The following MAPK14 variants were observed in gnomAD, a reference collection of about 807,000 sequenced individuals.
The protein encoded by MAPK14 is mitogen-activated protein kinase 14.
MAPK14 carries 16 observed loss-of-function variants against 49.6 expected under a neutral mutation model. That is an observed-to-expected ratio of 0.32 (90% confidence interval 0.22 to 0.49). The LOEUF is 0.49. Ranked by LOEUF, MAPK14 falls within the 20% of genes least tolerant of loss-of-function variation. MAPK14 has a pLI of 0.99. For synonymous variants in MAPK14, 142 were observed against 158.0 expected, an observed-to-expected ratio of 0.90 and a Z score of 0.76; for missense variants, 200 against 441.2, an observed-to-expected ratio of 0.45 and a Z score of 4.90.
chr6:36,067,866 C>T (rs1764121249), intron 3 of MAPK14, among the ~76,000 whole-genome samples: 1 of 152,030 alleles, frequency 6.6e-6, no homozygotes, highest in African/African-American at 2.4e-5. Context: ...TACTATCTAT[C>T]AGACACTGTT....
chr6:36,043,034 G>A (rs1763026368), intron 1 of MAPK14, among the ~76,000 whole-genome samples: 1 of 151,968 alleles, frequency 6.6e-6, no homozygotes, highest in African/African-American at 2.4e-5. Context: ...TGAGGTGGGA[G>A]GTTTGTTGGG....
rs1158952400 is a variant in MAPK14, at chr6:36,109,131, G to A, written c.*684G>A. The stretch of plus-strand genomic sequence containing the variant: ...GTTCTGAGCCGGGCAAGTCGAGAGG[G>A]CTGTTGGACAGCTGCTTGTGGGCCC... On this transcript the variant is annotated 3_prime_UTR_variant, in exon 12 of 12. Transcript: ENST00000229794. 6.5e-6 allele frequency: 1 copy of A among 152,922 alleles called. No individual in the cohort carries two copies. The highest frequency in any genetic ancestry group is 2.4e-5 in the African/African-American group (1 of 41,466). 9.5% of individuals were successfully genotyped at this position (152,922 alleles called of 1,614,324 possible).
downstream of MAPK14, among the ~76,000 whole-genome samples, chr6:36,116,107 T>TA (rs905646660): frequency 8.0e-5 from 12 of 150,812 alleles, no homozygotes; most frequent in Admixed American, 1.3e-4. Flanking sequence ...AGACCCTGTC[T>TA]AAAAAAAAAT....
intron 1 of MAPK14, among the ~76,000 whole-genome samples, chr6:36,036,255 C>CAAAAA (rs35795294): frequency 3.8e-5 from 4 of 104,796 alleles, no homozygotes; most frequent in South Asian, 3.5e-4. Context: ...GAGTACATCT[C>CAAAAA]AAAAAAAAAA....
chr6:36,096,428 A>C (rs1190232377), intron 9 of MAPK14: 5 of 190,608 alleles, frequency 2.6e-5, no homozygotes, highest in Non-Finnish European at 3.3e-5. Flanking sequence ...CAGAAGTTTC[A>C]CGTATGCTCT....
chr6:36,052,555 A>C, intron 1 of MAPK14, 144 bp from the exon 2 acceptor site: 2 of 585,194 alleles, frequency 3.4e-6, no homozygotes, highest in Non-Finnish European at 5.4e-6. Context: ...TAATGGGATA[A>C]TAGGTCATTT....
intron 10 of MAPK14, among the ~76,000 whole-genome samples, chr6:36,104,290 G>A (rs1765732630): frequency 6.6e-6 from 1 of 152,116 alleles, no homozygotes; most frequent in South Asian, 2.1e-4. Flanking sequence ...TTGGCTTTGT[G>A]TGATTTATTT....
chr6:36,103,773 CCAGGA>C (rs1290058960), intron 10 of MAPK14, among the ~76,000 whole-genome samples: 1 of 152,122 alleles, frequency 6.6e-6, no homozygotes, highest in African/African-American at 2.4e-5. Context: ...AAGGATCAGA[CCAGGA>C]CCTCCCTACA....
At chr6:36,067,720 C>T (rs138358698) in intron 3 of MAPK14, among the ~76,000 whole-genome samples, 45 of 152,202 alleles carry the variant, frequency 3.0e-4, no homozygotes, top group African/African-American at 1.0e-3. Flanking sequence ...GATTCTTTTA[C>T]CCCTAAATTA....
At chr6:36,081,922 G>C (rs1371601045) in intron 8 of MAPK14, among the ~76,000 whole-genome samples, 1 of 151,438 alleles carries the variant, frequency 6.6e-6, no homozygotes, top group African/African-American at 2.4e-5. Flanking sequence ...TTTTTCAGCA[G>C]TGTTTTATAG....
chr6:36,054,400 C>G (rs1581758108), intron 2 of MAPK14, among the ~76,000 whole-genome samples: 1 of 152,238 alleles, frequency 6.6e-6, no homozygotes, highest in East Asian at 1.9e-4. Context: ...TGCTTTTCTT[C>G]ATAAATATGT....
rs539042681 is a variant in MAPK14, at chr6:36,102,606, G to A, written c.798G>A (p.Pro266=). ...ATATTCAGTCTTTGACTCAGATGCC[G>A]AAGATGAACTTTGCGAATGTATTTA... ...RNYIQSLTQM[P]KMNFANVFIG... Residue 266 remains proline, a synonymous_variant, in exon 10 of 12, where the codon CCG becomes CCA. Coordinates refer to ENST00000229794, the MANE Select transcript of MAPK14 (RefSeq NM_139012.3). The A allele has an allele frequency of 8.7e-6, 14 of 1,613,984 alleles. No individual in the cohort carries two copies. The highest frequency in any genetic ancestry group is 2.2e-5 in the East Asian group (1 of 44,868).
chr6:36,116,339 C>CT, the MAPK14 span, among the ~76,000 whole-genome samples: 498 of 142,620 alleles, frequency 3.5e-3, no homozygotes, highest in African/African-American at 7.3e-3. Flanking sequence ...CAATTAGAAT[C>CT]TTTTTTTTTT....
At chr6:36,065,507 G>GGTGTGTGGGTGTGTGTGTGTGT (rs1764014093) in intron 3 of MAPK14, among the ~76,000 whole-genome samples, 1 of 122,454 alleles carries the variant, frequency 8.2e-6, no homozygotes, top group Non-Finnish European at 1.7e-5. Flanking sequence ...GGGCAGAAAA[G>GGTGTGTGGGTGTGTGTGTGTGT]GTGTGTGTGT....
intron 8 of MAPK14, chr6:36,076,836 C>G (rs1231444638): frequency 2.5e-6 from 1 of 407,282 alleles, no homozygotes; most frequent in African/African-American, 2.1e-5. Flanking sequence ...AAAAACCCAT[C>G]AAGTCTGTCT....
chr6:36,104,502 C>T (rs1345874711), intron 10 of MAPK14, among the ~76,000 whole-genome samples: 1 of 152,138 alleles, frequency 6.6e-6, no homozygotes, highest in Non-Finnish European at 1.5e-5. Context: ...ATTCTTCTGC[C>T]TCAGCCTCCT....
intron 6 of MAPK14, among the ~76,000 whole-genome samples, chr6:36,075,338 A>G (rs1249937810): frequency 6.6e-6 from 1 of 151,624 alleles, no homozygotes; most frequent in African/African-American, 2.4e-5. Flanking sequence ...AACACTATAG[A>G]TTAGGTTTAT....
intron 2 of MAPK14, among the ~76,000 whole-genome samples, chr6:36,054,909 T>C (rs918673033): frequency 1.3e-5 from 2 of 152,236 alleles, no homozygotes; most frequent in African/African-American, 4.8e-5. Context: ...TAGGTGTTGG[T>C]AACAAATACA....
chr6:36,087,800 G>A (rs903999714), intron 8 of MAPK14, among the ~76,000 whole-genome samples: 1 of 152,070 alleles, frequency 6.6e-6, no homozygotes, highest in Non-Finnish European at 1.5e-5. Context: ...AAATTCATAT[G>A]GAACCAAAAA....
Sources: allele counts gnomAD v4.1 joint callset (sites outside exome capture counted in the v4.1 genomes callset), GRCh38; gene constraint gnomAD v4.1.1; transcripts MANE v1.5; gene names NCBI Gene and HGNC (gene_info 2026-07-23, HGNC 2026-07-21).